OLFM3: variants seen among roughly 807,000 people sequenced by gnomAD.
OLFM3 encodes noelin-3.
In OLFM3, 20 loss-of-function variants were observed where a neutral mutation model predicts 48.6. The ratio of observed to expected loss-of-function variants is 0.41; its 90% CI spans 0.29 to 0.60. The LOEUF (loss-of-function observed/expected upper bound fraction) is 0.60. OLFM3 is among the 20% of genes least tolerant of loss of function. The pLI, the probability that OLFM3 is intolerant of heterozygous loss-of-function variation, is 0.28. For missense variants in OLFM3, 437 were observed against 544.3 expected (o/e 0.80, Z 1.96); for synonymous variants, 222 against 198.1 (o/e 1.12, Z -1.01).
At position 101,864,897 on chromosome 1, in the gene OLFM3, G is replaced by A. The variant is rs114327716; in HGVS notation, c.70-27872C>T. On this transcript the variant is annotated intron_variant, in intron 1 of 5. Transcript: ENST00000370103. ...TCCCTGTTCAAGGCTTTTAAGACAT[G>A]CCACACTACCACAAACAGAGGCCCA... Among the ~76,000 whole-genome samples, 807 of 152,260 alleles carry A rather than the reference G, an allele frequency of 5.3e-3. 10 individuals are homozygous for A. The highest frequency in any genetic ancestry group is 0.018 in the African/African-American group (751 of 41,548).
At chr1:101,941,004 TGCAA>T (rs1659778398) in intron 1 of OLFM3, among the ~76,000 whole-genome samples, 2 of 152,076 alleles carry the variant, frequency 1.3e-5, no homozygotes, top group Non-Finnish European at 2.9e-5. Context: ...GTAGGTAAAA[TGCAA>T]GGAGTTGCTT....
intron 2 of OLFM3, among the ~76,000 whole-genome samples, chr1:101,831,984 C>A (rs1268105033): frequency 1.3e-5 from 2 of 152,022 alleles, no homozygotes; most frequent in Non-Finnish European, 1.5e-5. Context: ...CTCACCACAA[C>A]CTCCGCCTCC....
intron 1 of OLFM3, among the ~76,000 whole-genome samples, chr1:101,918,353 T>C (rs755998500): frequency 1.4e-4 from 21 of 152,206 alleles, no homozygotes; most frequent in Admixed American, 2.0e-4. Flanking sequence ...GTCAGAAGGC[T>C]GAAATAGGTA....
rs1294084041 is a variant in OLFM3 at position 101,804,105 on chromosome 1, A to G, written c.*133T>C. 10 of 702,012 alleles carry G rather than the reference A, an allele frequency of 1.4e-5. No homozygotes were observed. Among genetic ancestry groups the G allele is most frequent in the Non-Finnish European group, 2.2e-5 (10 of 452,576 alleles). 43.5% of individuals were successfully genotyped at this position (702,012 alleles called of 1,614,324 possible). ...ACAAGCTCAGCTATGTTTTTGAAACACCAACTTTACAATAAAAATGCTTTG... is the reference window on the plus strand; with the variant it reads ...ACAAGCTCAGCTATGTTTTTGAAACGCCAACTTTACAATAAAAATGCTTTG... On this transcript the variant is annotated 3_prime_UTR_variant, in exon 6 of 6. Coordinates refer to ENST00000370103, the MANE Select transcript of OLFM3 (RefSeq NM_058170.4). This position sits in a 1 kb window ranked among gnomAD's most constrained non-coding sequence, Gnocchi z 4.5.
At chr1:101,896,670 ATTTTTTTTTTT>A (rs3079210) in intron 1 of OLFM3, among the ~76,000 whole-genome samples, 1 of 105,704 alleles carries the variant, frequency 9.5e-6, no homozygotes, top group Non-Finnish European at 1.9e-5. Context: ...GATTTTTTGT[ATTTTTTTTTTT>A]TTTTTTTTTT....
chr1:101,992,530 T>A (rs1387240297), intron 1 of OLFM3, among the ~76,000 whole-genome samples: 1 of 152,106 alleles, frequency 6.6e-6, no homozygotes, highest in African/African-American at 2.4e-5. Context: ...GATCCTGTTA[T>A]GAAGAGGATG....
At chr1:101,907,793 C>T (rs540393997) in intron 1 of OLFM3, among the ~76,000 whole-genome samples, 1 of 152,162 alleles carries the variant, frequency 6.6e-6, no homozygotes, top group Admixed American at 6.5e-5. Context: ...TTGCAAAAGG[C>T]GAAAGGTACT....
intron 1 of OLFM3, among the ~76,000 whole-genome samples, chr1:101,959,840 A>G (rs533865121): frequency 1.3e-5 from 2 of 152,324 alleles, no homozygotes; most frequent in South Asian, 4.1e-4. Flanking sequence ...AGTGGCATAC[A>G]TAATAAAAAT....
chr1:101,889,720 G>C (rs1387822499), intron 1 of OLFM3, among the ~76,000 whole-genome samples: 1 of 151,950 alleles, frequency 6.6e-6, no homozygotes, highest in Non-Finnish European at 1.5e-5. Context: ...ATCTAGCATA[G>C]ATAACATATA....
chr1:101,884,809 T>C (rs1657681697), intron 1 of OLFM3, among the ~76,000 whole-genome samples: 1 of 151,960 alleles, frequency 6.6e-6, no homozygotes, highest in Non-Finnish European at 1.5e-5. Context: ...TAAAGTTCTT[T>C]TGATATTGCA....
At chr1:101,967,459 T>C (rs562263615) in intron 1 of OLFM3, among the ~76,000 whole-genome samples, 3 of 152,012 alleles carry the variant, frequency 2.0e-5, no homozygotes, top group South Asian at 2.1e-4. Context: ...TTTTCCCTTA[T>C]GTAACAGTCA....
chr1:101,937,027 G>A (rs1455016488), intron 1 of OLFM3, among the ~76,000 whole-genome samples: 1 of 152,154 alleles, frequency 6.6e-6, no homozygotes, highest in African/African-American at 2.4e-5. Context: ...GTTAACCTGG[G>A]AAATACCATT....
intron 1 of OLFM3, among the ~76,000 whole-genome samples, chr1:101,956,532 C>CT (rs1660303329): frequency 6.6e-6 from 1 of 151,824 alleles, no homozygotes; most frequent in Non-Finnish European, 1.5e-5. Flanking sequence ...TTCAAATATC[C>CT]TTTTTGTTCT....
At chr1:101,852,478 A>T (rs1490445612) in intron 1 of OLFM3, among the ~76,000 whole-genome samples, 1 of 152,044 alleles carries the variant, frequency 6.6e-6, no homozygotes, top group Non-Finnish European at 1.5e-5. Flanking sequence ...CTCCAATTTT[A>T]TGACCTCTCT....
intron 1 of OLFM3, among the ~76,000 whole-genome samples, chr1:101,974,753 T>G (rs1462343356): frequency 1.3e-5 from 2 of 152,148 alleles, no homozygotes; most frequent in Non-Finnish European, 2.9e-5. Flanking sequence ...CTAGATAGTT[T>G]TGACATTTGC....
chr1:101,981,665 T>C (rs912751729), intron 1 of OLFM3, among the ~76,000 whole-genome samples: 4 of 152,190 alleles, frequency 2.6e-5, no homozygotes, highest in Non-Finnish European at 5.9e-5. Context: ...CTTACTTACA[T>C]GTTCAAAATC....
intron 1 of OLFM3, among the ~76,000 whole-genome samples, chr1:101,851,098 A>T (rs1656206063): frequency 6.6e-6 from 1 of 152,156 alleles, no homozygotes; most frequent in Non-Finnish European, 1.5e-5. Flanking sequence ...AAGACAGAGT[A>T]CTTGTGTTGA....
At chr1:101,954,209 A>T (rs1660224280) in intron 1 of OLFM3, among the ~76,000 whole-genome samples, 1 of 152,124 alleles carries the variant, frequency 6.6e-6, no homozygotes, top group South Asian at 2.1e-4. Flanking sequence ...TTGCCCAACA[A>T]TTTAAACAGA....
chr1:101,853,914 C>G (rs755851456), intron 1 of OLFM3, among the ~76,000 whole-genome samples: 4 of 152,018 alleles, frequency 2.6e-5, no homozygotes, highest in Non-Finnish European at 5.9e-5. Context: ...AGTACTAACT[C>G]CAACTTTGAT....
Sources: gnomAD v4.1 joint callset for allele counts (sites outside exome capture counted in the v4.1 genomes callset) on GRCh38, gnomAD v4.1.1 for gene constraint, Gnocchi (gnomAD v3.1) non-coding constraint, MANE v1.5 for transcripts, NCBI Gene and HGNC (gene_info 2026-07-23, HGNC 2026-07-21) for gene names.